NAV1: variants seen among roughly 807,000 people sequenced by gnomAD.
The protein encoded by NAV1 is neuron navigator 1, also known as pore membrane and/or filament interacting like protein 3.
In NAV1, 18 loss-of-function variants were observed where a neutral mutation model predicts 175.2. That is an observed-to-expected ratio of 0.10 (90% CI 0.07 to 0.15). NAV1 has a LOEUF of 0.15. Ranked by LOEUF, NAV1 falls within the 10% of genes least tolerant of loss-of-function variation. The pLI is 1.00. For missense variants in NAV1, 1,731 were observed against 2,436.6 expected (o/e 0.71, Z 6.10); for synonymous variants, 897 against 978.7 (o/e 0.92, Z 1.56).
chr1:201,720,099 A>G (rs1185339320), intron 3 of NAV1, among the ~76,000 whole-genome samples: 2 of 152,326 alleles, frequency 1.3e-5, no homozygotes, highest in East Asian at 3.9e-4. Flanking sequence ...GACCAGAGAA[A>G]AGCCATGCAG....
At chr1:201,659,238 C>T (rs1669518354) in intron 1 of NAV1, among the ~76,000 whole-genome samples, 1 of 152,256 alleles carries the variant, frequency 6.6e-6, no homozygotes, top group Non-Finnish European at 1.5e-5. Context: ...CGTACTAGCT[C>T]TAGCTTTATT....
chr1:201,803,880 C>A lies in NAV1; in HGVS notation c.3639+166C>A, dbSNP rs1193164669. 2.0e-5 allele frequency among the ~76,000 whole-genome samples: 3 copies of A among 152,102 alleles called. No individual in the cohort carries two copies. The East Asian group carries it at 5.8e-4, about 29-fold the overall frequency. Reference sequence around the variant, plus strand: ...GCATGGTCTCCCAGATTCTCCCTTCCCTCAATCATTTCCTACTTGTCCCCA... The same window carrying A: ...GCATGGTCTCCCAGATTCTCCCTTCACTCAATCATTTCCTACTTGTCCCCA... On this transcript the variant is annotated intron_variant, in intron 16 of 29. Transcript: ENST00000367296.
Position 201,603,769 on chromosome 1 carries a change from G to A in NAV1, c.-33+15120G>A, listed in dbSNP as rs77575437. Among the ~76,000 whole-genome samples the A allele has an allele frequency of 2.6e-3, 389 of 152,288 alleles. 2 individuals carry two copies. The highest frequency in any genetic ancestry group is 8.9e-3 in the African/African-American group (371 of 41,562). On this transcript the variant is annotated intron_variant, in intron 2 of 33. Transcript: ENST00000685211. ...CCCCATTTTACAGATGAGCAACTGA[G>A]ACTTAGGTTAATCATTTGCCCATGG...
At chr1:201,715,165 CT>C (rs34382311) in intron 2 of NAV1, among the ~76,000 whole-genome samples, 30,310 of 133,586 alleles carry the variant, frequency 0.23, 2,986 homozygotes, top group Non-Finnish European at 0.29. Flanking sequence ...TTTTATGGCT[CT>C]TTTTTTTTTT....
chr1:201,629,375 T>C, intron 1 of NAV1, 29 bp from the exon 4 acceptor site: 1 of 1,289,662 alleles, frequency 7.8e-7, no homozygotes. Context: ...ATCTCTACCA[T>C]GAGTGACTAC....
chr1:201,777,404 CTTTTCCT>C (rs747694978), intron 3 of NAV1, among the ~76,000 whole-genome samples: 11 of 151,978 alleles, frequency 7.2e-5, no homozygotes, highest in Non-Finnish European at 1.5e-4. Flanking sequence ...AAAAGGAGCA[CTTTTCCT>C]TTTTCCTTTA....
At chr1:201,614,729 G>T (rs1667954111) in intron 2 of NAV1, among the ~76,000 whole-genome samples, 1 of 152,194 alleles carries the variant, frequency 6.6e-6, no homozygotes, top group African/African-American at 2.4e-5. Context: ...GCTGAGGCCT[G>T]GATTTAGGCT....
chr1:201,651,951 A>G (rs1238844494), intron 1 of NAV1, among the ~76,000 whole-genome samples: 1 of 152,022 alleles, frequency 6.6e-6, no homozygotes, highest in Non-Finnish European at 1.5e-5. Context: ...TGACCTCCAA[A>G]CTAAGCTTTT....
chr1:201,572,458 TC>T (rs1666573515), intron 1 of NAV1, among the ~76,000 whole-genome samples: 1 of 148,052 alleles, frequency 6.8e-6, no homozygotes, highest in Non-Finnish European at 1.5e-5. Flanking sequence ...AACCTCCACC[TC>T]CCCGGTTCAA....
chr1:201,622,739 C>A, upstream of NAV1: 2 of 767,702 alleles, frequency 2.6e-6, no homozygotes, highest in Non-Finnish European at 1.6e-6. Context: ...AGTGCCAGTG[C>A]CCAGTCTGGG....
chr1:201,543,323 A>ATT (rs36025020), intron 1 of NAV1, among the ~76,000 whole-genome samples: 3 of 150,380 alleles, frequency 2.0e-5, no homozygotes, highest in Non-Finnish European at 4.4e-5. Context: ...TTTTCTAATC[A>ATT]TTTTTTTTTA....
intron 3 of NAV1, among the ~76,000 whole-genome samples, chr1:201,722,594 C>T (rs548782469): frequency 3.9e-5 from 6 of 152,186 alleles, no homozygotes; most frequent in South Asian, 4.1e-4. Context: ...TCCCTGCTTT[C>T]GGTTCTTTTT....
At chr1:201,784,705 T>C (rs1676591250) in intron 7 of NAV1, among the ~76,000 whole-genome samples, 1 of 151,472 alleles carries the variant, frequency 6.6e-6, no homozygotes. Context: ...CCTAGTGCCA[T>C]AATATGATCT....
intron 1 of NAV1, among the ~76,000 whole-genome samples, chr1:201,659,322 A>G (rs766755047): frequency 6.6e-6 from 1 of 152,224 alleles, no homozygotes; most frequent in Non-Finnish European, 1.5e-5. Context: ...AGGAATATTT[A>G]TAGGAATCAG....
chr1:201,776,626 G>T (rs905129099), intron 3 of NAV1, among the ~76,000 whole-genome samples: 7 of 135,924 alleles, frequency 5.1e-5, no homozygotes, highest in African/African-American at 2.0e-4. Context: ...GGGTGACAGA[G>T]CAAGACTCCA....
chr1:201,624,430 G>A (rs990511744), intron 1 of NAV1, among the ~76,000 whole-genome samples: 13 of 125,616 alleles, frequency 1.0e-4, no homozygotes, highest in Admixed American at 2.1e-4. Context: ...TGCAACCTCC[G>A]CCTCCCAGGT....
intron 3 of NAV1, among the ~76,000 whole-genome samples, chr1:201,723,141 C>T (rs239966): frequency 0.42 from 63,975 of 151,980 alleles, 14,076 homozygotes; most frequent in Middle Eastern, 0.52. Flanking sequence ...CTGATGGAGG[C>T]GAAGTGGTTA....
chr1:201,716,294 T>C (rs2102479843), intron 2 of NAV1, among the ~76,000 whole-genome samples: 1 of 152,334 alleles, frequency 6.6e-6, no homozygotes, highest in Middle Eastern at 3.4e-3. Context: ...CACAGGGCGC[T>C]GGACTGAGTT....
At position 201,539,228 on chromosome 1, in the gene NAV1, C is replaced by T. The variant is rs560209061; in HGVS notation, c.-258C>T. On this transcript the variant is annotated 5_prime_UTR_variant, in exon 1 of 34. Transcript: ENST00000685211. This position sits in a 1 kb window ranked among gnomAD's most constrained non-coding sequence, Gnocchi z 5.6. ...CGAGGGGCCGAGGCGGCCTGGGGAG[C>T]CCCGGGAAACTTTGTGCTCGCGAGA... 6.6e-6 allele frequency among the ~76,000 whole-genome samples: 1 copy of T among 152,152 alleles called. No individual in the cohort carries two copies. The highest frequency in any genetic ancestry group is 1.5e-5 in the Non-Finnish European group (1 of 68,008).
Sources: allele counts gnomAD v4.1 joint callset (sites outside exome capture counted in the v4.1 genomes callset), GRCh38; gene constraint gnomAD v4.1.1; non-coding constraint Gnocchi (gnomAD v3.1); transcripts MANE v1.5; gene names NCBI Gene and HGNC (gene_info 2026-07-23, HGNC 2026-07-21).